Variants in NAA50 observed in about 807,000 individuals in gnomAD.
NAA50 encodes N-alpha-acetyltransferase 50.
A neutral mutation model predicts 20.7 loss-of-function variants in NAA50; 7 were observed. The observed-to-expected ratio is 0.34, with a 90% CI of 0.19 to 0.63. The LOEUF (loss-of-function observed/expected upper bound fraction) is 0.63, where lower values mean the gene tolerates loss of function less well. Ranked by LOEUF, NAA50 falls within the 30% of genes least tolerant of loss-of-function variation. The pLI is 0.75. For missense variants in NAA50, 111 were observed against 199.1 expected (o/e 0.56, Z 2.66); for synonymous variants, 54 against 70.6 (o/e 0.77, Z 1.18).
At position 113,723,815 on chromosome 3, in the gene NAA50, T is replaced by C. The variant is rs140133728; in HGVS notation, c.145+144A>G. ...TATTCAACTGATTTCTCTGAGATTTTTCTCACAACCTAGACCACTCCCATT... is the reference window on the plus strand; with the variant it reads ...TATTCAACTGATTTCTCTGAGATTTCTCTCACAACCTAGACCACTCCCATT... On this transcript the variant is annotated intron_variant, in intron 2 of 4. Coordinates refer to ENST00000240922, the MANE Select transcript of NAA50 (RefSeq NM_025146.4). 920 of 959,566 alleles carry C rather than the reference T, an allele frequency of 9.6e-4. 5 individuals are homozygous for C. In the African/African-American group the frequency reaches 0.014, roughly 15 times the overall value. The allele number at this position is 959,566 out of a possible 1,614,324, so 59.4% of individuals were successfully genotyped here.
rs1389773818 is a variant in NAA50, at chr3:113,745,925, C to T, written c.8+17G>A. 7 of 1,604,612 alleles carry T rather than the reference C, an allele frequency of 4.4e-6. No homozygotes were observed. The highest frequency in any genetic ancestry group is 1.6e-4 in the Middle Eastern group (1 of 6,076). ...TCTACCCCACCGGCCGGGCCCTGCCCGGCTGCCCTTCCTCACCCTTTCATC... is the reference window on the plus strand; with the variant it reads ...TCTACCCCACCGGCCGGGCCCTGCCTGGCTGCCCTTCCTCACCCTTTCATC... On this transcript the variant is annotated intron_variant, in intron 1 of 4. Transcript: ENST00000240922.
chr3:113,729,265 T>C (rs971179563), intron 1 of NAA50, among the ~76,000 whole-genome samples: 7 of 152,148 alleles, frequency 4.6e-5, no homozygotes, highest in African/African-American at 1.7e-4. Context: ...GTTGGGATTA[T>C]AGGCGTGAGC....
At chr3:113,725,887 A>G (rs1404179901) in intron 1 of NAA50, among the ~76,000 whole-genome samples, 1 of 152,242 alleles carries the variant, frequency 6.6e-6, no homozygotes, top group African/African-American at 2.4e-5. Flanking sequence ...GTATTACTCT[A>G]TAATGCCCAG....
At chr3:113,722,885 A>C in intron 4 of NAA50, 21 bp downstream of exon 4, 1 of 1,509,608 alleles carries the variant, frequency 6.6e-7, no homozygotes, top group South Asian at 1.2e-5. Flanking sequence ...TGATAAGAAC[A>C]TTAAATATTA....
chr3:113,729,014 C>T (rs1308391905), intron 1 of NAA50, among the ~76,000 whole-genome samples: 2 of 147,574 alleles, frequency 1.4e-5, no homozygotes, highest in Non-Finnish European at 3.0e-5. Context: ...GAGACGGAGT[C>T]TCCCTCTGTT....
In NAA50 at chr3:113,721,345, C is replaced by A. The variant is rs767030024; in HGVS notation, c.*415G>T. 5.1e-6 allele frequency: 1 copy of A among 194,574 alleles called. No individual in the cohort carries two copies. Among genetic ancestry groups the A allele is most frequent in the Non-Finnish European group, 1.0e-5 (1 of 96,184 alleles). The allele number at this position is 194,574 out of a possible 1,614,324, so 12.1% of individuals were successfully genotyped here. ...AAAAACCCAAAGTACCACAAACACA[C>A]TCAACTTGTCTATGAATTAGAGAAC... On this transcript the variant is annotated 3_prime_UTR_variant, in exon 5 of 5. Coordinates refer to ENST00000240922, the MANE Select transcript of NAA50 (RefSeq NM_025146.4).
intron 1 of NAA50, 52 bp from the exon 2 acceptor site, chr3:113,724,147 A>G: frequency 1.4e-6 from 2 of 1,408,912 alleles, no homozygotes; most frequent in Non-Finnish European, 1.9e-6. Flanking sequence ...CCATTTGTTA[A>G]TATGAACATA....
intron 1 of NAA50, among the ~76,000 whole-genome samples, chr3:113,741,714 T>G (rs1708419740): frequency 6.6e-6 from 1 of 152,186 alleles, no homozygotes; most frequent in Non-Finnish European, 1.5e-5. Context: ...TAAGTGACTT[T>G]AAAAAATCTT....
chr3:113,729,570 T>C (rs1708245142), intron 1 of NAA50, among the ~76,000 whole-genome samples: 1 of 148,682 alleles, frequency 6.7e-6, no homozygotes, highest in African/African-American at 2.5e-5. Context: ...GAGATGAGGG[T>C]CTCAACTCTG....
intron 1 of NAA50, among the ~76,000 whole-genome samples, chr3:113,738,200 A>T (rs893785021): frequency 6.6e-6 from 1 of 152,210 alleles, no homozygotes; most frequent in African/African-American, 2.4e-5. Context: ...AAAGAATCAA[A>T]TTATTCTGTG....
chr3:113,724,833 G>A (rs1708180810), intron 1 of NAA50, among the ~76,000 whole-genome samples: 1 of 152,150 alleles, frequency 6.6e-6, no homozygotes, highest in African/African-American at 2.4e-5. Context: ...AAGATCTGAT[G>A]GTTTTATAAG....
rs1180419095 is a variant in NAA50, at chr3:113,723,465, G to A, written c.222C>T (p.Ile74=). Residue 74 remains isoleucine, a synonymous_variant, in exon 3 of 5, where the codon ATC becomes ATT. Coordinates refer to ENST00000240922, the MANE Select transcript of NAA50 (RefSeq NM_025146.4). ...DHSQNQKRLY[I]MTLGCLAPYR... is the part of the protein sequence containing the mutation. The stretch of plus-strand genomic sequence containing the variant: ...AAGGTGCCAGACATCCTAGTGTCAT[G>A]ATGTAAAGTCTCTTCTGATTCTGTG... 2 of 1,612,894 alleles carry A rather than the reference G, an allele frequency of 1.2e-6. No individual in the cohort carries two copies. Among genetic ancestry groups the A allele is most frequent in the East Asian group, 2.2e-5 (1 of 44,814 alleles).
At position 113,723,557 on chromosome 3, in the gene NAA50, T is replaced by C; in HGVS notation, c.146-16A>G. Reference sequence around the variant, plus strand: ...TTGAAATAGGCTGCCAAGGAAAACATAAAGATATAATGTTGAACAGACAGA... The same window carrying C: ...TTGAAATAGGCTGCCAAGGAAAACACAAAGATATAATGTTGAACAGACAGA... On this transcript the variant is annotated splice_polypyrimidine_tract_variant and intron_variant, in intron 2 of 4. Transcript: ENST00000240922. The C allele has an allele frequency of 1.3e-6, 2 of 1,597,128 alleles. No individual in the cohort carries two copies. Among genetic ancestry groups the C allele is most frequent in the Non-Finnish European group, 1.7e-6 (2 of 1,172,870 alleles).
intron 1 of NAA50, among the ~76,000 whole-genome samples, chr3:113,724,749 C>T (rs1708179925): frequency 6.6e-6 from 1 of 152,100 alleles, no homozygotes; most frequent in Non-Finnish European, 1.5e-5. Context: ...CCATAATTCC[C>T]ATGTTGTGAG....
rs999526974 is a variant in NAA50 at position 113,720,840 on chromosome 3, C to A, written c.*920G>T. Reference sequence around the variant, plus strand: ...TTTTTAGTATGTCCAAGAGAAAACACCTGCTTCAGGTTTATTTAGGGGTAG... The same window carrying A: ...TTTTTAGTATGTCCAAGAGAAAACAACTGCTTCAGGTTTATTTAGGGGTAG... On this transcript the variant is annotated 3_prime_UTR_variant, in exon 5 of 5. Coordinates refer to ENST00000240922, the MANE Select transcript of NAA50 (RefSeq NM_025146.4). 9 of 152,332 alleles carry A rather than the reference C, an allele frequency of 5.9e-5. No homozygotes were observed. Among genetic ancestry groups the A allele is most frequent in the African/African-American group, 2.2e-4 (9 of 41,416 alleles). The allele number at this position is 152,332 out of a possible 1,614,324, so 9.4% of individuals were successfully genotyped here.
intron 2 of NAA50, 153 bp from the exon 3 acceptor site, chr3:113,723,694 AG>A: frequency 1.0e-6 from 1 of 978,256 alleles, no homozygotes. Flanking sequence ...ATGCCATCTT[AG>A]GAAGTTTAAG....
In NAA50 at chr3:113,718,542, A is replaced by C. The variant is rs1377331441; in HGVS notation, c.*3218T>G. The C allele has an allele frequency of 1.3e-5, 2 of 152,252 alleles. No individual in the cohort carries two copies. The highest frequency in any genetic ancestry group is 4.8e-5 in the African/African-American group (2 of 41,484). 9.4% of individuals were successfully genotyped at this position (152,252 alleles called of 1,614,324 possible). ...ATTAAATACTGAATTCTGTTAAAGA[A>C]AAAATCTTAAATTCATGTTTGATAA... On this transcript the variant is annotated 3_prime_UTR_variant, in exon 5 of 5. Coordinates refer to ENST00000240922, the MANE Select transcript of NAA50 (RefSeq NM_025146.4).
intron 1 of NAA50, among the ~76,000 whole-genome samples, chr3:113,737,261 G>A (rs1475210324): frequency 6.6e-6 from 1 of 152,196 alleles, no homozygotes; most frequent in African/African-American, 2.4e-5. Flanking sequence ...TTTTAGTTAG[G>A]ATCAAATGGT....
intron 1 of NAA50, among the ~76,000 whole-genome samples, chr3:113,743,331 C>T (rs1708442532): frequency 6.6e-6 from 1 of 152,168 alleles, no homozygotes. Flanking sequence ...TTACTGTTTA[C>T]TTACCTCAAT....
Sources: gnomAD v4.1 joint callset for allele counts (sites outside exome capture counted in the v4.1 genomes callset) on GRCh38, gnomAD v4.1.1 for gene constraint, MANE v1.5 for transcripts, NCBI Gene and HGNC (gene_info 2026-07-23, HGNC 2026-07-21) for gene names.